Variants in GABRB2 observed in about 807,000 individuals in gnomAD.
GABRB2 encodes the protein gamma-aminobutyric acid receptor subunit beta-2.
In GABRB2, 16 loss-of-function variants were observed where a neutral mutation model predicts 54.7. The observed-to-expected ratio is 0.29, with a 90% CI of 0.20 to 0.44. GABRB2 has a LOEUF of 0.44. Ranked by LOEUF, GABRB2 falls within the 20% of genes least tolerant of loss-of-function variation. The pLI, the probability that GABRB2 is intolerant of heterozygous loss-of-function variation, is 1.00. For synonymous variants in GABRB2, 244 were observed against 233.8 expected (o/e 1.04, Z -0.40); for missense variants, 355 against 644.0 (o/e 0.55, Z 4.86).
chr5:161,308,502 T>A (rs1757766991), intron 9 of GABRB2, among the ~76,000 whole-genome samples: 1 of 152,116 alleles, frequency 6.6e-6, no homozygotes, highest in Non-Finnish European at 1.5e-5. Context: ...TAGAAAAAAC[T>A]ATCCATATAG....
intron 4 of GABRB2, among the ~76,000 whole-genome samples, chr5:161,415,189 G>C (rs569922755): frequency 2.2e-4 from 33 of 152,146 alleles, no homozygotes; most frequent in Non-Finnish European, 4.3e-4. Context: ...AAACAGCTCT[G>C]TCTTCAATCA....
intron 5 of GABRB2, among the ~76,000 whole-genome samples, chr5:161,400,678 C>T (rs1756158187): frequency 6.6e-6 from 1 of 152,140 alleles, no homozygotes; most frequent in Non-Finnish European, 1.5e-5. Context: ...TAAGAAAATG[C>T]TTCACTTTTG....
At chr5:161,306,905 A>C (rs899977944) in intron 9 of GABRB2, among the ~76,000 whole-genome samples, 1 of 152,184 alleles carries the variant, frequency 6.6e-6, no homozygotes, top group African/African-American at 2.4e-5. Context: ...TGTGTCCAGC[A>C]AAAGCCAAAT....
intron 5 of GABRB2, among the ~76,000 whole-genome samples, chr5:161,337,135 T>C (rs1754018185): frequency 6.6e-6 from 1 of 152,154 alleles, no homozygotes; most frequent in South Asian, 2.1e-4. Flanking sequence ...TCCCATTCTA[T>C]CAAACATTAT....
chr5:161,436,052 C>T (rs1757297770), intron 4 of GABRB2, among the ~76,000 whole-genome samples: 1 of 152,080 alleles, frequency 6.6e-6, no homozygotes, highest in South Asian at 2.1e-4. Context: ...TTTCAGGGGT[C>T]AAAGAGACTT....
At chr5:161,334,986 T>A (rs1445385810) in intron 6 of GABRB2, 82 bp from the exon 7 acceptor site, 2 of 1,354,502 alleles carry the variant, frequency 1.5e-6, no homozygotes, top group Non-Finnish European at 2.1e-6. Flanking sequence ...AAACAGTACC[T>A]CTTCTCTCAG....
At chr5:161,341,622 G>A (rs993817988) in intron 5 of GABRB2, among the ~76,000 whole-genome samples, 34 of 151,442 alleles carry the variant, frequency 2.2e-4, no homozygotes, top group African/African-American at 6.3e-4. Context: ...TGGTAGATAC[G>A]TTCTCATTGA....
intron 5 of GABRB2, among the ~76,000 whole-genome samples, chr5:161,355,192 C>G (rs534356343): frequency 2.8e-4 from 43 of 151,542 alleles, no homozygotes; most frequent in African/African-American, 1.0e-3. Flanking sequence ...ATATTCTCTA[C>G]TAATTAATTC....
chr5:161,423,490 A>G (rs1338387377), intron 4 of GABRB2, among the ~76,000 whole-genome samples: 1 of 152,112 alleles, frequency 6.6e-6, no homozygotes, highest in Non-Finnish European at 1.5e-5. Flanking sequence ...CAAACTTTTC[A>G]ATTTTTATTA....
At chr5:161,470,828 A>G (rs1199051685) in intron 3 of GABRB2, among the ~76,000 whole-genome samples, 3 of 152,030 alleles carry the variant, frequency 2.0e-5, no homozygotes, top group African/African-American at 7.2e-5. Context: ...GGAAACTACC[A>G]TACTATGCTC....
intron 3 of GABRB2, among the ~76,000 whole-genome samples, chr5:161,516,305 A>C (rs901115568): frequency 2.0e-5 from 3 of 152,116 alleles, no homozygotes; most frequent in Non-Finnish European, 4.4e-5. Flanking sequence ...CTTTATATGG[A>C]TTCTTTCATT....
At chr5:161,326,993 T>C (rs1354310150) in intron 8 of GABRB2, 9 of 983,758 alleles carry the variant, frequency 9.1e-6, no homozygotes, top group Non-Finnish European at 1.1e-5. Context: ...AACTTGAAGC[T>C]ACGGGCAAGA....
chr5:161,357,519 C>A (rs201042033), intron 5 of GABRB2, among the ~76,000 whole-genome samples: 565 of 140,364 alleles, frequency 4.0e-3, no homozygotes, highest in Admixed American at 4.1e-3. Context: ...GAGTTTTGAG[C>A]AAAAAAAAAA....
chr5:161,528,172 CA>C (rs1418894924), intron 3 of GABRB2, among the ~76,000 whole-genome samples: 5 of 151,670 alleles, frequency 3.3e-5, no homozygotes, highest in African/African-American at 1.2e-4. Flanking sequence ...ACATTAAGAG[CA>C]AAAATCATAT....
At chr5:161,394,423 C>A (rs539875622) in intron 5 of GABRB2, among the ~76,000 whole-genome samples, 43 of 152,016 alleles carry the variant, frequency 2.8e-4, no homozygotes, top group African/African-American at 1.0e-3. Flanking sequence ...GAAGATGATT[C>A]TTTGAAAATA....
chr5:161,401,230 G>A (rs947380640), intron 5 of GABRB2, among the ~76,000 whole-genome samples: 1 of 152,188 alleles, frequency 6.6e-6, no homozygotes, highest in Non-Finnish European at 1.5e-5. Flanking sequence ...TTTCACTTGT[G>A]AGAGTGGGAG....
intron 5 of GABRB2, among the ~76,000 whole-genome samples, chr5:161,356,263 T>G (rs189109957): frequency 6.6e-6 from 1 of 152,268 alleles, no homozygotes; most frequent in East Asian, 1.9e-4. Context: ...CCAGAATAAT[T>G]CTATTTATTT....
chr5:161,540,289 A>G (rs1164959038), intron 3 of GABRB2, among the ~76,000 whole-genome samples: 1 of 152,212 alleles, frequency 6.6e-6, no homozygotes, highest in Admixed American at 6.5e-5. Flanking sequence ...CATCTCAAGA[A>G]ACCACATTCT....
intron 5 of GABRB2, among the ~76,000 whole-genome samples, chr5:161,390,670 A>G (rs569459121): frequency 6.6e-6 from 1 of 152,236 alleles, no homozygotes; most frequent in East Asian, 1.9e-4. Flanking sequence ...ACCTTTCTGT[A>G]AACCTCAAGT....
Sources: gnomAD v4.1 joint callset for allele counts (sites outside exome capture counted in the v4.1 genomes callset) on GRCh38, gnomAD v4.1.1 for gene constraint, MANE v1.5 for transcripts, NCBI Gene and HGNC (gene_info 2026-07-23, HGNC 2026-07-21) for gene names.